Variants in PREX2 observed in about 807,000 individuals in gnomAD.
PREX2 encodes phosphatidylinositol 3,4,5-trisphosphate-dependent Rac exchanger 2 protein.
In PREX2, 107 loss-of-function variants were observed where a neutral mutation model predicts 203.2. The observed-to-expected ratio is 0.53, with a 90% CI of 0.45 to 0.62. The LOEUF is 0.62. Among genes scored for constraint, PREX2 ranks in the 20% least tolerant of loss-of-function variants. PREX2 has a pLI of 0.00. For missense variants in PREX2, 1,777 were observed against 1,955.9 expected, an observed-to-expected ratio of 0.91 and a Z score of 1.72; for synonymous variants, 672 against 663.6, an observed-to-expected ratio of 1.01 and a Z score of -0.19.
chr8:68,188,277 TGAGA>T (rs1251543749), intron 35 of PREX2, among the ~76,000 whole-genome samples: 1 of 151,570 alleles, frequency 6.6e-6, no homozygotes, highest in Non-Finnish European at 1.5e-5. Context: ...AAGAGGATGA[TGAGA>T]GAGAGAGAGG....
chr8:67,954,764 T>A (rs1051574741), intron 1 of PREX2, among the ~76,000 whole-genome samples: 1 of 152,318 alleles, frequency 6.6e-6, no homozygotes, highest in East Asian at 1.9e-4. Context: ...TGACTAATCT[T>A]TATTAGGAAG....
chr8:68,092,974 G>C (rs1464660700), intron 20 of PREX2, among the ~76,000 whole-genome samples: 1 of 152,072 alleles, frequency 6.6e-6, no homozygotes, highest in African/African-American at 2.4e-5. Context: ...ATTTTAAAAT[G>C]TGATTTATAA....
At chr8:67,999,702 G>A (rs2129609712) in intron 1 of PREX2, among the ~76,000 whole-genome samples, 1 of 152,202 alleles carries the variant, frequency 6.6e-6, no homozygotes, top group Non-Finnish European at 1.5e-5. Context: ...GAACATTGAT[G>A]CAAAAATCCT....
At chr8:68,145,429 G>A (rs956573751) in intron 33 of PREX2, among the ~76,000 whole-genome samples, 1 of 152,120 alleles carries the variant, frequency 6.6e-6, no homozygotes, top group Non-Finnish European at 1.5e-5. Context: ...CAGGTCAGAA[G>A]TTATAAATAC....
chr8:68,115,017 CTTTCTTTTTTTT>C (rs1810617015), intron 25 of PREX2, among the ~76,000 whole-genome samples: 1 of 119,676 alleles, frequency 8.4e-6, no homozygotes, highest in South Asian at 2.8e-4. Flanking sequence ...CTTTTCTTTT[CTTTCTTTTTTTT>C]TTTTTTTTTT....
chr8:68,060,891 T>C, intron 11 of PREX2, 112 bp downstream of exon 11: 1 of 703,420 alleles, frequency 1.4e-6, no homozygotes. Context: ...GCTTGTTGTT[T>C]TTAACAATAT....
intron 1 of PREX2, among the ~76,000 whole-genome samples, chr8:67,966,240 A>AAATTTTTT (rs1428039919): frequency 6.6e-6 from 1 of 152,208 alleles, no homozygotes; most frequent in Non-Finnish European, 1.5e-5. Flanking sequence ...ATATTTGAAT[A>AAATTTTTT]AATTTTTTAA....
At chr8:68,224,705 C>A in intron 39 of PREX2, 79 bp downstream of exon 39, 1 of 1,055,744 alleles carries the variant, frequency 9.5e-7, no homozygotes. Flanking sequence ...GCTAATGCAA[C>A]TGATCTAGGA....
At chr8:68,086,486 G>A (rs1460176561) in intron 18 of PREX2, among the ~76,000 whole-genome samples, 1 of 152,040 alleles carries the variant, frequency 6.6e-6, no homozygotes, top group African/African-American at 2.4e-5. Flanking sequence ...CTCATCTTTT[G>A]GGAAACACTT....
In PREX2 at chr8:68,157,443, A is replaced by C; in HGVS notation, c.4346+7A>C. On this transcript the variant is annotated splice_region_variant and intron_variant, in intron 35 of 39. Transcript: ENST00000288368. Reference sequence around the variant, plus strand: ...AGTACAACCAGAAGCTCAGGTATGTAACAATCCAACTGAAAAATAATGAGT... The same window carrying C: ...AGTACAACCAGAAGCTCAGGTATGTCACAATCCAACTGAAAAATAATGAGT... 6.7e-7 allele frequency: 1 copy of C among 1,490,410 alleles called. No individual in the cohort carries two copies. The highest frequency in any genetic ancestry group is 9.4e-7 in the Non-Finnish European group (1 of 1,069,502). The allele number at this position is 1,490,410 out of a possible 1,614,324, so 92.3% of individuals were successfully genotyped here.
At chr8:68,169,661 A>C (rs574978933) in intron 35 of PREX2, among the ~76,000 whole-genome samples, 1 of 152,298 alleles carries the variant, frequency 6.6e-6, no homozygotes, top group Admixed American at 6.5e-5. Context: ...TGGGAAAATC[A>C]GAATTTAAAT....
intron 39 of PREX2, among the ~76,000 whole-genome samples, chr8:68,228,765 CTAAATAAA>C (rs59480721): frequency 0.27 from 37,503 of 140,376 alleles, 5,555 homozygotes; most frequent in South Asian, 0.45. Context: ...GACTCCGTCT[CTAAATAAA>C]TAAATAAATA....
intron 34 of PREX2, among the ~76,000 whole-genome samples, chr8:68,154,578 A>G (rs924954806): frequency 2.0e-5 from 3 of 152,228 alleles, no homozygotes; most frequent in Admixed American, 6.5e-5. Context: ...GCTTGTGAAC[A>G]TGGCATGTAT....
intron 23 of PREX2, 159 bp downstream of exon 23, chr8:68,100,002 A>G (rs762508860): frequency 2.6e-6 from 2 of 769,194 alleles, no homozygotes; most frequent in Non-Finnish European, 4.7e-6. Context: ...AAATGGCTTA[A>G]CATCCATTAC....
intron 35 of PREX2, among the ~76,000 whole-genome samples, chr8:68,171,996 T>C (rs1474244496): frequency 6.6e-6 from 1 of 152,202 alleles, no homozygotes; most frequent in African/African-American, 2.4e-5. Context: ...AGTTTTATTT[T>C]TGTTCTCTCT....
At chr8:68,098,257 T>C (rs1015227043) in intron 22 of PREX2, among the ~76,000 whole-genome samples, 7 of 152,196 alleles carry the variant, frequency 4.6e-5, no homozygotes, top group Non-Finnish European at 1.0e-4. Context: ...CTTTCCTACC[T>C]TTATGTCTCT....
rs537373247 is a variant in PREX2 at position 68,024,397 on chromosome 8, A to G, written c.441+2257A>G. Among the ~76,000 whole-genome samples the G allele has an allele frequency of 1.5e-3, 225 of 152,010 alleles. 2 individuals carry two copies. The highest frequency in any genetic ancestry group is 0.014 in the Middle Eastern group (4 of 294). The stretch of plus-strand genomic sequence containing the variant: ...ACGCATTCATAATTGTTAGATTCAT[A>G]TTTCTGTTTATCATCATGAAATGGT... On this transcript the variant is annotated intron_variant, in intron 4 of 39. Transcript: ENST00000288368.
At chr8:68,105,670 ATATATATGGAT>A in intron 23 of PREX2, 35 of 321,622 alleles carry the variant, frequency 1.1e-4, no homozygotes, top group South Asian at 1.6e-4. Flanking sequence ...GACAGACCAT[ATATATATGGAT>A]TATATATATA....
At chr8:67,968,842 G>C (rs1585662397) in intron 1 of PREX2, among the ~76,000 whole-genome samples, 2 of 152,152 alleles carry the variant, frequency 1.3e-5, no homozygotes, top group South Asian at 4.1e-4. Context: ...CCTAATAGCC[G>C]TTGTACCAAA....
Sources: gnomAD v4.1 joint callset for allele counts (sites outside exome capture counted in the v4.1 genomes callset) on GRCh38, gnomAD v4.1.1 for gene constraint, MANE v1.5 for transcripts, NCBI Gene and HGNC (gene_info 2026-07-23, HGNC 2026-07-21) for gene names.